The following MDN1 variants were observed in gnomAD, a reference collection of about 807,000 sequenced individuals.
MDN1 encodes the protein midasin.
MDN1 carries 266 observed loss-of-function variants against 669.2 expected under a neutral mutation model. That is an observed-to-expected ratio of 0.40 (90% CI 0.36 to 0.44). The LOEUF is 0.44. MDN1 is among the 20% of genes least tolerant of loss of function. The pLI is 1.00. For synonymous variants in MDN1, 2,385 were observed against 2,457.1 expected (o/e 0.97, Z 0.87); for missense variants, 5,940 against 6,754.0 (o/e 0.88, Z 4.22).
At chr6:89,801,232 C>A (rs1470637321) in intron 2 of MDN1, among the ~76,000 whole-genome samples, 1 of 151,968 alleles carries the variant, frequency 6.6e-6, no homozygotes, top group Non-Finnish European at 1.5e-5. Context: ...CCCATCCACA[C>A]TAAAAGTACA....
At chr6:89,704,650 G>T (rs1048009813) in intron 53 of MDN1, among the ~76,000 whole-genome samples, 2 of 152,100 alleles carry the variant, frequency 1.3e-5, no homozygotes, top group Non-Finnish European at 2.9e-5. Context: ...GCAATGGCAC[G>T]ATCTCGACTC....
At chr6:89,648,383 GC>G in intron 97 of MDN1, 54 bp from the exon 98 acceptor site, 1 of 1,519,564 alleles carries the variant, frequency 6.6e-7, no homozygotes, top group Non-Finnish European at 9.1e-7. Context: ...CTAAACCAGA[GC>G]CTCTCAACTA....
intron 84 of MDN1, among the ~76,000 whole-genome samples, chr6:89,665,909 G>A (rs551118747): frequency 3.9e-5 from 6 of 152,018 alleles, no homozygotes; most frequent in African/African-American, 9.6e-5. Context: ...GCATTGTGGC[G>A]TGCGCCTGTA....
At position 89,696,439 on chromosome 6, in the gene MDN1, C is replaced by T. The variant is rs773242075; in HGVS notation, c.9304G>A (p.Val3102Ile). 3 of 1,614,172 alleles carry T rather than the reference C, an allele frequency of 1.9e-6. No homozygotes were observed. Among genetic ancestry groups the T allele is most frequent in the South Asian group, 2.2e-5 (2 of 91,080 alleles). ...SSSHVTLGEW[V>I]ERTQQLQDIS... The stretch of plus-strand genomic sequence containing the variant: ...TCCTGGAGCTGCTGAGTTCTCTCAA[C>T]CCACTCTCCTAGGGTCACGTGAGAG... The change falls in exon 60 of 102, where the codon GTT becomes ATT. Residue 3102 changes from valine to isoleucine, a missense_variant. Coordinates refer to ENST00000369393, the MANE Select transcript of MDN1 (RefSeq NM_014611.3).
Position 89,695,914 on chromosome 6 carries a change from C to T in MDN1, c.9462G>A (p.Arg3154=). ...AGLAELLPES[R]RQEYMQNCEQ... is the part of the protein sequence containing the mutation. Reference sequence around the variant, plus strand: ...CACAGTTCTGCATGTACTCCTGCCGCCGGGACTCTGGGAGCAGCTCTGCTA... The same window carrying T: ...CACAGTTCTGCATGTACTCCTGCCGTCGGGACTCTGGGAGCAGCTCTGCTA... Residue 3154 remains arginine, a synonymous_variant, in exon 61 of 102, where the codon CGG becomes CGA. Transcript: ENST00000369393. This position sits in a 1 kb window ranked among gnomAD's most constrained non-coding sequence, Gnocchi z 4.1. 3.1e-6 allele frequency: 5 copies of T among 1,612,946 alleles called. No individual in the cohort carries two copies. Among genetic ancestry groups the T allele is most frequent in the Non-Finnish European group, 4.2e-6 (5 of 1,180,040 alleles).
chr6:89,780,974 C>T (rs891533869), intron 10 of MDN1, among the ~76,000 whole-genome samples: 4 of 151,870 alleles, frequency 2.6e-5, no homozygotes, highest in African/African-American at 9.7e-5. Flanking sequence ...TTCTAATTCT[C>T]ACTTCTCAAA....
Position 89,754,146 on chromosome 6 carries a change from C to T in MDN1, c.2901G>A (p.Leu967=). Residue 967 remains leucine (L), a synonymous_variant, in exon 21 of 102, where the codon CTG becomes CTA. Transcript: ENST00000369393. ...GHRPHYSLRT[L]CRALRFAASN... is the part of the protein sequence containing the mutation. ...AGGCTGCAAATCGCAGGGCCCGGCA[C>T]AGAGTCCGAAGGCTGTAGTGAGGTC... The T allele has an allele frequency of 6.2e-7, 1 of 1,614,152 alleles. No homozygotes were observed. The highest frequency in any genetic ancestry group is 8.5e-7 in the Non-Finnish European group (1 of 1,180,018).
At chr6:89,793,476 A>G (rs1819389137) in intron 5 of MDN1, among the ~76,000 whole-genome samples, 2 of 152,150 alleles carry the variant, frequency 1.3e-5, no homozygotes, top group African/African-American at 4.8e-5. Context: ...ACTTTGGGAG[A>G]CTGAGGTGGC....
intron 54 of MDN1, 82 bp downstream of exon 54, chr6:89,701,822 G>A: frequency 6.5e-7 from 1 of 1,532,462 alleles, no homozygotes; most frequent in South Asian, 1.3e-5. Context: ...AATAAAGCAA[G>A]AAGAAACAGT....
rs377256963 is a variant in MDN1 at position 89,650,768 on chromosome 6, C to T, written c.15995G>A (p.Arg5332His). ...TGCCTGGGTAGGCTCTAATATGAGACGAAGCTCTTCACATAACCGTTGTGA... is the reference window on the plus strand; with the variant it reads ...TGCCTGGGTAGGCTCTAATATGAGATGAAGCTCTTCACATAACCGTTGTGA... ...PLSQRLCEEL[R>H]LILEPTQAAK... is the part of the protein sequence containing the mutation. Residue 5332 changes from arginine (R) to histidine (H), a missense_variant, in exon 96 of 102, where the codon CGT becomes CAT. This residue lies in a region of MDN1 where 2,280 missense variants were observed against 2,576.3 expected (regional missense o/e 0.88). Coordinates refer to ENST00000369393, the MANE Select transcript of MDN1 (RefSeq NM_014611.3). 40 of 1,613,970 alleles carry T rather than the reference C, an allele frequency of 2.5e-5. No individual in the cohort carries two copies. Among genetic ancestry groups the T allele is most frequent in the Admixed American group, 3.3e-5 (2 of 60,002 alleles).
At chr6:89,715,556 G>C (rs1395069776) in intron 45 of MDN1, 97 bp downstream of exon 45, 3 of 769,560 alleles carry the variant, frequency 3.9e-6, no homozygotes, top group Non-Finnish European at 6.9e-6. Flanking sequence ...CCATGATTCA[G>C]TTTATAAATA....
In MDN1 at chr6:89,688,617, T is replaced by C. The variant is rs1036097384; in HGVS notation, c.11215A>G (p.Ser3739Gly). 3 of 1,614,196 alleles carry C rather than the reference T, an allele frequency of 1.9e-6. No homozygotes were observed. Among genetic ancestry groups the C allele is most frequent in the Admixed American group, 3.3e-5 (2 of 60,022 alleles). ...PVLQGFSEAV[S>G]HLLQDWPEHP... ...TCTGGCCAGTCCTGTAGCAAGTGAC[T>C]GACAGCCTCTGAGAAACCTTGAAGC... The change falls in exon 66 of 102, where the codon AGT (serine) becomes GGT (glycine). Residue 3739 changes from serine (S) to glycine (G), a missense_variant. Ser to Gly is a moderately conservative substitution (Grantham distance 56). Around this residue, in one of 5 missense-constraint regions of MDN1, gnomAD observed 2,280 missense variants for 2,576.3 expected, o/e 0.88. Transcript: ENST00000369393.
rs770761737 is a variant in MDN1 at position 89,700,108 on chromosome 6, C to T, written c.8825G>A (p.Arg2942Gln). The T allele has an allele frequency of 2.6e-5, 42 of 1,614,008 alleles. No homozygotes were observed. Among genetic ancestry groups the T allele is most frequent in the East Asian group, 4.5e-5 (2 of 44,892 alleles). ...PAMEYLAMLWRYKVTADFMAQ... is the reference protein window; with the variant it reads ...PAMEYLAMLWQYKVTADFMAQ... Reference sequence around the variant, plus strand: ...CATAAAATCAGCTGTCACTTTGTACCGCCAAAGCATAGCCAGGTACTCCAT... The same window carrying T: ...CATAAAATCAGCTGTCACTTTGTACTGCCAAAGCATAGCCAGGTACTCCAT... The change falls in exon 57 of 102, where the codon CGG (arginine) becomes CAG (glutamine). Residue 2942 changes from arginine to glutamine, a missense_variant. Arg to Gln is a conservative substitution (Grantham distance 43). This residue lies in a region of MDN1 where 2,292 missense variants were observed against 2,638.3 expected (regional missense o/e 0.87). Coordinates refer to ENST00000369393, the MANE Select transcript of MDN1 (RefSeq NM_014611.3).
intron 19 of MDN1, among the ~76,000 whole-genome samples, chr6:89,757,621 A>T (rs1382857867): frequency 1.3e-5 from 2 of 152,216 alleles, no homozygotes; most frequent in Admixed American, 1.3e-4. Context: ...TTACCAATCT[A>T]TAAATAAAGA....
In MDN1 at chr6:89,645,264, T is replaced by C; in HGVS notation, c.16460-107A>G. 5 of 1,267,936 alleles carry C rather than the reference T, an allele frequency of 3.9e-6. No homozygotes were observed. The South Asian group carries it at 8.0e-5, about 20-fold the overall frequency. 78.5% of individuals were successfully genotyped at this position (1,267,936 alleles called of 1,614,324 possible). ...TTAGTGTAGGCTTTCTCTGTACTAT[T>C]AAAGCTAAACAGACCTCTAAAGCTG... On this transcript the variant is annotated intron_variant, in intron 100 of 101. Transcript: ENST00000369393.
chr6:89,712,795 A>G lies in MDN1; in HGVS notation c.7219-9T>C. ...AGTAAAGCCTGTACAAGCTGGTAGG[A>G]GACAAAAACACAATACAGTGGTACC... On this transcript the variant is annotated splice_polypyrimidine_tract_variant and intron_variant, in intron 47 of 101. Coordinates refer to ENST00000369393, the MANE Select transcript of MDN1 (RefSeq NM_014611.3). The G allele has an allele frequency of 6.2e-7, 1 of 1,611,366 alleles. No individual in the cohort carries two copies. Among genetic ancestry groups the G allele is most frequent in the Non-Finnish European group, 8.5e-7 (1 of 1,177,472 alleles).
chr6:89,777,064 T>C (rs1818392910), intron 11 of MDN1, among the ~76,000 whole-genome samples: 1 of 152,180 alleles, frequency 6.6e-6, no homozygotes, highest in Admixed American at 6.5e-5. Flanking sequence ...AAGACTGCTT[T>C]CTAACTGCAA....
At chr6:89,661,059 T>C (rs1057387568) in intron 88 of MDN1, among the ~76,000 whole-genome samples, 2 of 152,186 alleles carry the variant, frequency 1.3e-5, no homozygotes, top group Non-Finnish European at 2.9e-5. Context: ...CTAAAAAAGC[T>C]ATAACTGGAC....
chr6:89,770,660 C>T (rs1818036920), intron 15 of MDN1, among the ~76,000 whole-genome samples: 1 of 151,958 alleles, frequency 6.6e-6, no homozygotes. Flanking sequence ...CACCACCATG[C>T]CCAACTAATT....
Sources: allele counts gnomAD v4.1 joint callset (sites outside exome capture counted in the v4.1 genomes callset), GRCh38; gene constraint gnomAD v4.1.1; regional missense constraint gnomAD v4.1.1; non-coding constraint Gnocchi (gnomAD v3.1); transcripts MANE v1.5; gene names NCBI Gene and HGNC (gene_info 2026-07-23, HGNC 2026-07-21).